The following HTR3C variants were observed in gnomAD, a reference collection of about 807,000 sequenced individuals.
HTR3C encodes the protein 5-HT3-C.
In HTR3C, 32 loss-of-function variants were observed where a neutral mutation model predicts 40.5. The ratio of observed to expected loss-of-function variants is 0.79; its 90% CI spans 0.60 to 1.06. HTR3C has a LOEUF of 1.06. Ranked by LOEUF, HTR3C falls within the 50% of genes least tolerant of loss-of-function variation. HTR3C has a pLI of 0.00. For missense variants in HTR3C, 523 were observed against 556.8 expected, an observed-to-expected ratio of 0.94 and a Z score of 0.61; for synonymous variants, 209 against 217.1, an observed-to-expected ratio of 0.96 and a Z score of 0.33.
chr3:184,053,168 G>A, intron 1 of HTR3C, 21 bp downstream of exon 1: 2 of 1,603,476 alleles, frequency 1.2e-6, no homozygotes, highest in Non-Finnish European at 1.7e-6. Flanking sequence ...ACGAGAACAG[G>A]GAAGACCAGA....
chr3:184,054,951 T>C, intron 2 of HTR3C, 64 bp downstream of exon 2: 1 of 1,499,760 alleles, frequency 6.7e-7, no homozygotes, highest in South Asian at 1.3e-5. Flanking sequence ...CTCTGCCCTG[T>C]CAACCCAACA....
At chr3:184,058,689 G>C in intron 6 of HTR3C, 102 bp downstream of exon 6, 1 of 1,319,870 alleles carries the variant, frequency 7.6e-7, no homozygotes, top group Non-Finnish European at 1.0e-6. Context: ...TCCAGGCCGG[G>C]TGCAGTGGCT....
Position 184,059,613 on chromosome 3 carries a change from C to T in HTR3C, c.898C>T (p.Leu300Phe). Residue 300 changes from leucine to phenylalanine, a missense_variant, in exon 7 of 9, where the codon CTC (leucine) becomes TTC (phenylalanine). Coordinates refer to ENST00000318351, the MANE Select transcript of HTR3C (RefSeq NM_130770.3). ...NVFLLMMNDL[L>F]PASGTPLISV... is the part of the protein sequence containing the mutation. ...CTTCCTGCTCATGATGAATGACTTG[C>T]TCCCTGCCAGTGGCACCCCCCTCAT... The T allele has an allele frequency of 6.2e-7, 1 of 1,614,164 alleles. No homozygotes were observed. The highest frequency in any genetic ancestry group is 8.5e-7 in the Non-Finnish European group (1 of 1,180,040).
At position 184,056,130 on chromosome 3, in the gene HTR3C, G is replaced by A. The variant is rs772098986; in HGVS notation, c.280-47G>A. The A allele has an allele frequency of 3.2e-6, 4 of 1,266,266 alleles. No individual in the cohort carries two copies. The African/African-American group carries it at 4.4e-5, about 14-fold the overall frequency. 78.4% of individuals were successfully genotyped at this position (1,266,266 alleles called of 1,614,324 possible). ...TGGAAAGGGTGGGAGAGGCCGACAG[G>A]ACAAGCTCACCGTCACTCACCTCTG... On this transcript the variant is annotated intron_variant, in intron 3 of 8. Transcript: ENST00000318351.
At chr3:184,056,320 C>T (rs755047521) in intron 4 of HTR3C, 34 bp downstream of exon 4, 2 of 1,436,164 alleles carry the variant, frequency 1.4e-6, no homozygotes, top group South Asian at 2.3e-5. Context: ...CAGCGTGAAA[C>T]CTCATCTGCC....
intron 5 of HTR3C, 37 bp downstream of exon 5, chr3:184,057,081 A>C: frequency 6.9e-7 from 1 of 1,449,220 alleles, no homozygotes; most frequent in South Asian, 1.2e-5. Flanking sequence ...TTTAAGATTC[A>C]GGGAAGACAT....
At chr3:184,055,793 G>C (rs1157818138) in intron 3 of HTR3C, among the ~76,000 whole-genome samples, 1 of 141,378 alleles carries the variant, frequency 7.1e-6, no homozygotes, top group Non-Finnish European at 1.5e-5. Context: ...ACTTTTTCTG[G>C]GATCTGGGAA....
chr3:184,059,722 T>TGAAG lies in HTR3C; in HGVS notation c.925+92_926-93dup, dbSNP rs1012436012. 54 of 1,591,816 alleles carry TGAAG rather than the reference T, an allele frequency of 3.4e-5. No homozygotes were observed. In the African/African-American group the frequency reaches 6.7e-4, roughly 20 times the overall value. ...CCAGGAGAAATGGCCGCTGCTCCAC[T>TGAAG]GAAGGAAGGAAGGGGCTGTGAAAGA... is the stretch of plus-strand genomic sequence containing the variant. On this transcript the variant is annotated intron_variant, in intron 7 of 8. Coordinates refer to ENST00000318351, the MANE Select transcript of HTR3C (RefSeq NM_130770.3).
intron 1 of HTR3C, among the ~76,000 whole-genome samples, chr3:184,053,682 T>G (rs534365035): frequency 6.6e-6 from 1 of 152,208 alleles, no homozygotes; most frequent in Admixed American, 6.5e-5. Context: ...GCCACTCAGG[T>G]ACTACCCAGA....
At chr3:184,053,550 C>T (rs771817673) in intron 1 of HTR3C, among the ~76,000 whole-genome samples, 4 of 152,162 alleles carry the variant, frequency 2.6e-5, no homozygotes, top group Non-Finnish European at 5.9e-5. Context: ...AGATATTTTG[C>T]TTCCATGAGG....
intron 6 of HTR3C, among the ~76,000 whole-genome samples, chr3:184,059,132 T>C (rs1213409916): frequency 2.0e-5 from 3 of 152,148 alleles, no homozygotes; most frequent in Non-Finnish European, 2.9e-5. Flanking sequence ...CAGGAATGGC[T>C]GGACTGTAAT....
rs1723404158 is a variant in HTR3C, at chr3:184,059,650, C to T, written c.925+10C>T. 1 of 1,614,028 alleles carries T rather than the reference C, an allele frequency of 6.2e-7. No individual in the cohort carries two copies. The highest frequency in any genetic ancestry group is 1.3e-5 in the African/African-American group (1 of 75,032). On this transcript the variant is annotated intron_variant, in intron 7 of 8. Transcript: ENST00000318351. ...GGCACCCCCCTCATCAGTATGGCTC[C>T]TCCCACTTTCAGGAGGAGAAAGGGC...
At chr3:184,054,012 C>T (rs145159298) in intron 1 of HTR3C, among the ~76,000 whole-genome samples, 8 of 151,990 alleles carry the variant, frequency 5.3e-5, no homozygotes, top group African/African-American at 1.4e-4. Flanking sequence ...CTCGGCCTCC[C>T]AAAGTGCTGG....
intron 1 of HTR3C, 140 bp from the exon 2 acceptor site, chr3:184,054,581 A>G (rs1229159102): frequency 1.4e-5 from 9 of 645,840 alleles, no homozygotes; most frequent in East Asian, 3.1e-5. Context: ...ATCCTCCCCA[A>G]CCATGGCCTT....
chr3:184,057,100 T>C, intron 5 of HTR3C, 56 bp downstream of exon 5: 2 of 1,335,840 alleles, frequency 1.5e-6, no homozygotes, highest in Non-Finnish European at 2.1e-6. Context: ...ATTTGAGTGG[T>C]GTAGGTATCA....
At chr3:184,055,200 C>A in intron 2 of HTR3C, 112 bp from the exon 3 acceptor site, 1 of 775,882 alleles carries the variant, frequency 1.3e-6, no homozygotes, top group Non-Finnish European at 2.3e-6. Context: ...GACAATTCAG[C>A]ATCTACAACA....
chr3:184,056,209 A>T lies in HTR3C; in HGVS notation c.312A>T (p.Pro104=). The T allele has an allele frequency of 6.2e-7, 1 of 1,613,778 alleles. No individual in the cohort carries two copies. The highest frequency in any genetic ancestry group is 8.5e-7 in the Non-Finnish European group (1 of 1,179,662). Residue 104 remains proline (P), a synonymous_variant, in exon 4 of 9, where the codon CCA becomes CCT. Transcript: ENST00000318351. ...VWDNPFINWN[P]KECVGINKLT... is the part of the protein sequence containing the mutation. ...ACAATCCTTTCATTAATTGGAACCC[A>T]AAAGAGTGTGTTGGCATCAATAAAC...
In HTR3C at chr3:184,057,008, A is replaced by G. The variant is rs758837564; in HGVS notation, c.523A>G (p.Asn175Asp). The change falls in exon 5 of 9, where the codon AAC becomes GAC. Residue 175 changes from asparagine (N) to aspartate (D), a missense_variant. By Grantham distance (23) the Asn-to-Asp change is conservative. Coordinates refer to ENST00000318351, the MANE Select transcript of HTR3C (RefSeq NM_130770.3). ...DIFYFPFDQQ[N>D]CTFTFSSFLY... The stretch of plus-strand genomic sequence containing the variant: ...CTTCTACTTCCCTTTTGACCAACAG[A>G]ACTGTACCTTCACCTTCAGTTCTTT... The G allele has an allele frequency of 6.2e-7, 1 of 1,613,408 alleles. No homozygotes were observed.
intron 1 of HTR3C, among the ~76,000 whole-genome samples, chr3:184,054,486 T>A (rs1000899841): frequency 2.6e-5 from 4 of 152,238 alleles, no homozygotes; most frequent in East Asian, 3.9e-4. Flanking sequence ...AAACTTTGCA[T>A]GAGGATGAAG....
Sources: gnomAD v4.1 joint callset for allele counts (sites outside exome capture counted in the v4.1 genomes callset) on GRCh38, gnomAD v4.1.1 for gene constraint, MANE v1.5 for transcripts, NCBI Gene and HGNC (gene_info 2026-07-23, HGNC 2026-07-21) for gene names.